ARB2A: variants seen among roughly 807,000 people sequenced by gnomAD.
The protein encoded by ARB2A is cotranscriptional regulator ARB2A.
chr5:93,716,341 CTAT>C, the ARB2A span, among the ~76,000 whole-genome samples: 1 of 152,120 alleles, frequency 6.6e-6, no homozygotes, highest in Non-Finnish European at 1.5e-5. Flanking sequence ...TTATAAACTA[CTAT>C]TAAGAGATAA....
chr5:93,826,472 T>C, the ARB2A span, among the ~76,000 whole-genome samples: 1 of 152,208 alleles, frequency 6.6e-6, no homozygotes, highest in Admixed American at 6.5e-5. Flanking sequence ...TCCTTCTGTA[T>C]GTACCACAGA....
chr5:94,060,855 C>A, the ARB2A span, among the ~76,000 whole-genome samples: 1 of 152,100 alleles, frequency 6.6e-6, no homozygotes, highest in East Asian at 1.9e-4. Context: ...TTCAAAAAAT[C>A]AACATGTAAT....
chr5:94,012,109 A>G, the ARB2A span, among the ~76,000 whole-genome samples: 14 of 152,210 alleles, frequency 9.2e-5, no homozygotes, highest in African/African-American at 3.1e-4. Context: ...AATCTTAAAA[A>G]CATTAAGATG....
chr5:94,107,477 G>C, the ARB2A span, among the ~76,000 whole-genome samples: 1 of 147,780 alleles, frequency 6.8e-6, no homozygotes, highest in Admixed American at 6.8e-5. Flanking sequence ...GCTCAACGTA[G>C]CACCCCCAAG....
At chr5:94,041,282 C>T in the ARB2A span, among the ~76,000 whole-genome samples, 1 of 151,904 alleles carries the variant, frequency 6.6e-6, no homozygotes, top group Non-Finnish European at 1.5e-5. Flanking sequence ...TAGGATAGAA[C>T]ATGAGCTTAG....
At chr5:94,086,451 C>T in the ARB2A span, among the ~76,000 whole-genome samples, 1 of 151,976 alleles carries the variant, frequency 6.6e-6, no homozygotes, top group Non-Finnish European at 1.5e-5. Context: ...CTGGTATAAA[C>T]AAACATACTG....
At chr5:93,699,657 C>T in the ARB2A span, among the ~76,000 whole-genome samples, 1 of 152,076 alleles carries the variant, frequency 6.6e-6, no homozygotes, top group African/African-American at 2.4e-5. Flanking sequence ...CCTGGAGCTT[C>T]AGGCTTGTGC....
the ARB2A span, among the ~76,000 whole-genome samples, chr5:93,954,249 G>A: frequency 9.7e-4 from 148 of 152,116 alleles, no homozygotes; most frequent in Middle Eastern, 3.4e-3. Flanking sequence ...ACCTGAAGCC[G>A]CACATCTCAG....
At chr5:94,009,780 T>C in the ARB2A span, among the ~76,000 whole-genome samples, 3 of 152,026 alleles carry the variant, frequency 2.0e-5, no homozygotes, top group Non-Finnish European at 2.9e-5. Flanking sequence ...GTTTTTCAAG[T>C]TGTTTGTCCA....
the ARB2A span, among the ~76,000 whole-genome samples, chr5:93,864,911 G>C: frequency 6.6e-6 from 1 of 152,130 alleles, no homozygotes; most frequent in African/African-American, 2.4e-5. Flanking sequence ...TCCTGGTAAA[G>C]AGGGATTCTG....
chr5:93,711,193 ATTTTTTTTTTTG>A, the ARB2A span, among the ~76,000 whole-genome samples: 148 of 138,284 alleles, frequency 1.1e-3, 1 homozygote, highest in African/African-American at 3.7e-3. Flanking sequence ...AACTGGTTCT[ATTTTTTTTTTTG>A]TTTTTTTTTT....
At chr5:93,674,029 AT>A in the ARB2A span, among the ~76,000 whole-genome samples, 1 of 152,226 alleles carries the variant, frequency 6.6e-6, no homozygotes, top group Admixed American at 6.5e-5. Context: ...TGGAGGGATC[AT>A]TTATCTTAAG....
chr5:93,687,498 G>A, the ARB2A span, among the ~76,000 whole-genome samples: 1 of 152,038 alleles, frequency 6.6e-6, no homozygotes, highest in African/African-American at 2.4e-5. Context: ...GTCCAATGGT[G>A]GCATAGTCAA....
chr5:93,717,257 A>G, the ARB2A span, among the ~76,000 whole-genome samples: 6 of 152,272 alleles, frequency 3.9e-5, no homozygotes, highest in African/African-American at 1.4e-4. Flanking sequence ...GCAGAAGTAC[A>G]TTATGTGTGG....
chr5:93,622,440 C>T, the ARB2A span, among the ~76,000 whole-genome samples: 5 of 152,242 alleles, frequency 3.3e-5, no homozygotes, highest in African/African-American at 9.6e-5. Context: ...CTGGTAACCA[C>T]ATTTGTTGCC....
the ARB2A span, among the ~76,000 whole-genome samples, chr5:93,916,374 G>A: frequency 6.6e-6 from 1 of 152,024 alleles, no homozygotes; most frequent in Admixed American, 6.6e-5. Context: ...CTATCATCAA[G>A]CATACATTTA....
At chr5:93,724,114 A>G in the ARB2A span, among the ~76,000 whole-genome samples, 5 of 151,882 alleles carry the variant, frequency 3.3e-5, no homozygotes, top group Non-Finnish European at 4.4e-5. Flanking sequence ...TCTAAATGAC[A>G]CTGACACTTT....
chr5:94,014,888 G>A, the ARB2A span, among the ~76,000 whole-genome samples: 2 of 149,462 alleles, frequency 1.3e-5, no homozygotes, highest in East Asian at 2.0e-4. Flanking sequence ...GACCACCTAC[G>A]AGATACAGAA....
chr5:93,691,855 T>C, the ARB2A span, among the ~76,000 whole-genome samples: 1 of 152,098 alleles, frequency 6.6e-6, no homozygotes, highest in Non-Finnish European at 1.5e-5. Flanking sequence ...GCCAGAAGAC[T>C]GTGGGGGCCA....
Sources: gnomAD v4.1 joint callset for allele counts (sites outside exome capture counted in the v4.1 genomes callset) on GRCh38, gnomAD v4.1.1 for gene constraint, MANE v1.5 for transcripts, NCBI Gene and HGNC (gene_info 2026-07-23, HGNC 2026-07-21) for gene names.